Variants in FASTKD1 observed in about 807,000 individuals in gnomAD.
FASTKD1 encodes FAST kinase domain-containing protein 1, mitochondrial.
Under a neutral mutation model 90.9 loss-of-function variants are expected in FASTKD1, and 94 were observed. That is an observed-to-expected ratio of 1.03 (90% CI 0.88 to 1.23). The LOEUF (loss-of-function observed/expected upper bound fraction) is 1.23, where lower values mean the gene tolerates loss of function less well. FASTKD1 is among the 50% of genes most tolerant of loss of function. The pLI is 0.00. For missense variants in FASTKD1, 945 were observed against 993.5 expected, an observed-to-expected ratio of 0.95 and a Z score of 0.66; for synonymous variants, 319 against 345.8, an observed-to-expected ratio of 0.92 and a Z score of 0.86.
Position 169,557,136 on chromosome 2 carries a change from G to A in FASTKD1, c.1082+51C>T, listed in dbSNP as rs369466245. Reference sequence around the variant, plus strand: ...AACCATTTTTCCTTAGAAAAAAATAGGTGCTTGTGAATGACAACAAACTTA... The same window carrying A: ...AACCATTTTTCCTTAGAAAAAAATAAGTGCTTGTGAATGACAACAAACTTA... On this transcript the variant is annotated intron_variant, in intron 6 of 14. Coordinates refer to ENST00000453153, the MANE Select transcript of FASTKD1 (RefSeq NM_024622.6). The A allele has an allele frequency of 1.1e-5, 13 of 1,163,922 alleles. No individual in the cohort carries two copies. In the African/African-American group the frequency reaches 2.0e-4, roughly 18 times the overall value. The allele number at this position is 1,163,922 out of a possible 1,614,324, so 72.1% of individuals were successfully genotyped here. A position where few individuals can be genotyped will look rare whatever the true frequency, so the allele number is the denominator to read the frequency against.
intron 7 of FASTKD1, among the ~76,000 whole-genome samples, chr2:169,550,489 C>G (rs1402112609): frequency 1.3e-5 from 2 of 151,464 alleles, no homozygotes; most frequent in Non-Finnish European, 2.9e-5. Flanking sequence ...CCTTTCTTTT[C>G]TTTTTTAGAG....
intron 7 of FASTKD1, among the ~76,000 whole-genome samples, chr2:169,549,012 G>A (rs922832738): frequency 3.9e-5 from 6 of 151,900 alleles, no homozygotes; most frequent in Non-Finnish European, 2.9e-5. Context: ...CAGGAGAATG[G>A]CGTGAACCCG....
intron 10 of FASTKD1, among the ~76,000 whole-genome samples, chr2:169,538,990 A>G (rs1684850909): frequency 6.6e-6 from 1 of 151,966 alleles, no homozygotes. Context: ...TATAGGGGCC[A>G]GGTGTGGGGG....
intron 5 of FASTKD1, among the ~76,000 whole-genome samples, chr2:169,559,024 G>A (rs1429977545): frequency 6.6e-6 from 1 of 151,154 alleles, no homozygotes; most frequent in Non-Finnish European, 1.5e-5. Flanking sequence ...GCCCAGGCTG[G>A]AGTGTAATGG....
intron 7 of FASTKD1, among the ~76,000 whole-genome samples, chr2:169,549,030 G>A (rs934049314): frequency 6.6e-6 from 1 of 152,060 alleles, no homozygotes; most frequent in East Asian, 1.9e-4. Context: ...CCGGGAGGCG[G>A]AGCTTGCAGT....
Position 169,546,647 on chromosome 2 carries a change from G to T in FASTKD1, c.1272C>A (p.Ser424=). 6.2e-7 allele frequency: 1 copy of T among 1,613,986 alleles called. No individual in the cohort carries two copies. Among genetic ancestry groups the T allele is most frequent in the Non-Finnish European group, 8.5e-7 (1 of 1,179,994 alleles). ...CGTCCAAGTGAGGAGAAGGGAGCAGGGAAATAGCACGGACCAGAACAGACA... is the reference window on the plus strand; with the variant it reads ...CGTCCAAGTGAGGAGAAGGGAGCAGTGAAATAGCACGGACCAGAACAGACA... ...TEVSVLVRAI[S]LLPSPHLDEV... Residue 424 remains serine (S), a synonymous_variant, in exon 8 of 15, where the codon TCC becomes TCA. Coordinates refer to ENST00000453153, the MANE Select transcript of FASTKD1 (RefSeq NM_024622.6).
At chr2:169,568,387 A>G (rs1018071278) in intron 3 of FASTKD1, among the ~76,000 whole-genome samples, 1 of 152,180 alleles carries the variant, frequency 6.6e-6, no homozygotes, top group Non-Finnish European at 1.5e-5. Flanking sequence ...AGGCTAGTTC[A>G]TGAATAGCTG....
In FASTKD1 at chr2:169,560,684, G is replaced by A. The variant is rs1430254234; in HGVS notation, c.674C>T (p.Ser225Phe). The change falls in exon 5 of 15, where the codon TCT becomes TTT. Residue 225 changes from serine (S) to phenylalanine (F), a missense_variant. By Grantham distance (155) the Ser-to-Phe change is radical (BLOSUM62 -2). Coordinates refer to ENST00000453153, the MANE Select transcript of FASTKD1 (RefSeq NM_024622.6). ...KTELLFDTID[S>F]SEVNVAKSIA... ...GCTTTTTGCAACGTTGACCTCAGAA[G>A]AATCTATGGTGTCAAAAAGAAGTTC... is the stretch of plus-strand genomic sequence containing the variant. The A allele has an allele frequency of 2.0e-5, 33 of 1,611,346 alleles. No individual in the cohort carries two copies. Among genetic ancestry groups the A allele is most frequent in the Non-Finnish European group, 2.7e-5 (32 of 1,179,292 alleles).
chr2:169,561,744 C>CATTATAAATTATTTGTTAATTT lies in FASTKD1; in HGVS notation c.573-960_573-959insAAATTAACAAATAATTTATAAT, dbSNP rs1683620467. 5.3e-4 allele frequency among the ~76,000 whole-genome samples: 39 copies of CATTATAAATTATTTGTTAATTT among 72,934 alleles called. 7 individuals carry two copies. Among genetic ancestry groups the CATTATAAATTATTTGTTAATTT allele is most frequent in the Middle Eastern group, 0.018 (2 of 114 alleles). 47.8% of individuals were successfully genotyped at this position (72,934 alleles called of 152,430 possible). ...ATTAATCTATTATAAATTAATTATT[C>CATTATAAATTATTTGTTAATTT]ATTATAAATTATTTATTAATTTATT... is the stretch of plus-strand genomic sequence containing the variant. On this transcript the variant is annotated intron_variant, in intron 4 of 14. Transcript: ENST00000453153.
At chr2:169,565,482 T>A (rs1289895237) in intron 3 of FASTKD1, among the ~76,000 whole-genome samples, 9 of 151,578 alleles carry the variant, frequency 5.9e-5, no homozygotes, top group Non-Finnish European at 1.2e-4. Context: ...CAGGATGGTC[T>A]CGATCTCCTG....
chr2:169,544,802 G>A lies in FASTKD1; in HGVS notation c.1735C>T (p.Pro579Ser). The A allele has an allele frequency of 1.2e-6, 2 of 1,611,684 alleles. No homozygotes were observed. Among genetic ancestry groups the A allele is most frequent in the Non-Finnish European group, 1.7e-6 (2 of 1,178,102 alleles). The change falls in exon 9 of 15, where the codon CCA becomes TCA. Residue 579 changes from proline (P) to serine (S), a missense_variant. Coordinates refer to ENST00000453153, the MANE Select transcript of FASTKD1 (RefSeq NM_024622.6). ...GGATCATAGTTCAATACGCTGAATG[G>A]ACGAATAATAGCAGGGATTGTAAAA... ...HPFTIPAIIR[P>S]FSVLNYDPPQ...
At chr2:169,543,407 G>A (rs1685048089) in intron 9 of FASTKD1, among the ~76,000 whole-genome samples, 1 of 152,104 alleles carries the variant, frequency 6.6e-6, no homozygotes, top group South Asian at 2.1e-4. Flanking sequence ...AGGTTGCAGT[G>A]AGCCGAGATT....
intron 5 of FASTKD1, chr2:169,560,144 A>G (rs1176151745): frequency 3.8e-6 from 1 of 260,320 alleles, no homozygotes; most frequent in African/African-American, 2.2e-5. Context: ...GTTTCCCCTC[A>G]TTTTTTTTCA....
intron 9 of FASTKD1, among the ~76,000 whole-genome samples, chr2:169,543,225 A>G (rs1270868938): frequency 6.6e-6 from 1 of 152,150 alleles, no homozygotes; most frequent in African/African-American, 2.4e-5. Context: ...GCACTTTGGG[A>G]GGCTGAGGTG....
intron 10 of FASTKD1, 80 bp from the exon 11 acceptor site, chr2:169,538,221 C>T: frequency 8.4e-6 from 10 of 1,185,306 alleles, no homozygotes; most frequent in Non-Finnish European, 1.2e-5. Flanking sequence ...TTCATTTATC[C>T]CCACTATTAG....
At chr2:169,573,548 C>T (rs1418932363) in intron 1 of FASTKD1, 121 bp downstream of exon 1, 1 of 152,278 alleles carries the variant, frequency 6.6e-6, no homozygotes, top group Admixed American at 6.5e-5. Context: ...TCCATCCGCA[C>T]TTCAGAGAAC....
intron 7 of FASTKD1, among the ~76,000 whole-genome samples, chr2:169,547,376 G>A (rs1274867008): frequency 6.6e-6 from 1 of 152,142 alleles, no homozygotes; most frequent in Non-Finnish European, 1.5e-5. Flanking sequence ...ACAGGGTGTA[G>A]GGTGGGATCT....
intron 3 of FASTKD1, among the ~76,000 whole-genome samples, chr2:169,568,042 T>C (rs1374498112): frequency 6.6e-6 from 1 of 152,230 alleles, no homozygotes; most frequent in Non-Finnish European, 1.5e-5. Context: ...TCTGAATGAT[T>C]ATCAAGTAAG....
intron 3 of FASTKD1, among the ~76,000 whole-genome samples, chr2:169,566,400 C>T (rs1683987328): frequency 2.0e-5 from 3 of 152,120 alleles, no homozygotes; most frequent in African/African-American, 7.2e-5. Context: ...CGTTGTACTA[C>T]TCTTTCTCCT....
Sources: allele counts gnomAD v4.1 joint callset (sites outside exome capture counted in the v4.1 genomes callset), GRCh38; gene constraint gnomAD v4.1.1; transcripts MANE v1.5; gene names NCBI Gene and HGNC (gene_info 2026-07-23, HGNC 2026-07-21).